The following ZFHX4 variants were observed in gnomAD, a reference collection of about 807,000 sequenced individuals.
The protein encoded by ZFHX4 is zinc finger homeobox protein 4.
A neutral mutation model predicts 267.6 loss-of-function variants in ZFHX4; 56 were observed. The observed-to-expected ratio is 0.21, with a 90% CI of 0.17 to 0.26. ZFHX4 has a LOEUF of 0.26. ZFHX4 is among the 10% of genes least tolerant of loss of function. The pLI is 1.00. For synonymous variants in ZFHX4, 1,778 were observed against 1,665.6 expected, an observed-to-expected ratio of 1.07 and a Z score of -1.64; for missense variants, 4,332 against 4,420.0, an observed-to-expected ratio of 0.98 and a Z score of 0.56.
Position 76,851,890 on chromosome 8 carries a change from G to T in ZFHX4, c.4969G>T (p.Ala1657Ser). 4.3e-6 allele frequency: 7 copies of T among 1,613,964 alleles called. No individual in the cohort carries two copies. The South Asian group carries it at 6.6e-5, about 15-fold the overall frequency. ...QGMLDSMSLA[A>S]VNSKDTHLDA... is the part of the protein sequence containing the mutation. ...GATGTTAGATTCCATGAGTTTAGCA[G>T]CTGTAAACAGCAAAGATACCCATTT... is the stretch of plus-strand genomic sequence containing the variant. Residue 1657 changes from alanine to serine, a missense_variant, in exon 10 of 11, where the codon GCT becomes TCT. Physicochemically the swap from Ala to Ser is moderately conservative, Grantham distance 99. Transcript: ENST00000651372.
chr8:76,688,992 T>C (rs1426507508), intron 1 of ZFHX4, among the ~76,000 whole-genome samples: 1 of 152,152 alleles, frequency 6.6e-6, no homozygotes, highest in Non-Finnish European at 1.5e-5. Context: ...GGTTGACTCT[T>C]GAGTACAGCA....
chr8:76,777,857 T>G (rs76197050), intron 3 of ZFHX4, among the ~76,000 whole-genome samples: 24 of 109,316 alleles, frequency 2.2e-4, no homozygotes, highest in Middle Eastern at 4.9e-3. Context: ...GATGAACTTG[T>G]TTTTTTTTTT....
chr8:76,704,257 A>G lies in ZFHX4; in HGVS notation c.169A>G (p.Lys57Glu). 1 of 1,614,052 alleles carries G rather than the reference A, an allele frequency of 6.2e-7. No individual in the cohort carries two copies. Among genetic ancestry groups the G allele is most frequent in the Non-Finnish European group, 8.5e-7 (1 of 1,179,900 alleles). Residue 57 changes from lysine (K) to glutamate (E), a missense_variant, in exon 2 of 11, where the codon AAA becomes GAA. Lys to Glu is a moderately conservative substitution (Grantham distance 56). Transcript: ENST00000651372. The part of the protein sequence containing the change: ...TDDNLKTDER[K>E]SEALLGFSVE... ...TGACAACCTGAAAACGGATGAGCGCAAAAGTGAAGCCTTGCTGGGTTTCAG... is the reference window on the plus strand; with the variant it reads ...TGACAACCTGAAAACGGATGAGCGCGAAAGTGAAGCCTTGCTGGGTTTCAG...
At chr8:76,689,859 T>A (rs752452368) in intron 1 of ZFHX4, among the ~76,000 whole-genome samples, 1 of 152,146 alleles carries the variant, frequency 6.6e-6, no homozygotes, top group Non-Finnish European at 1.5e-5. Flanking sequence ...TCATATTTAG[T>A]AAGCAGCTTA....
intron 5 of ZFHX4, among the ~76,000 whole-genome samples, chr8:76,840,849 A>G (rs1008807906): frequency 6.6e-6 from 1 of 152,184 alleles, no homozygotes; most frequent in Admixed American, 6.5e-5. Context: ...TCAGCCCTCC[A>G]GCCTCCCAAA....
At chr8:76,758,197 G>A (rs1809814435) in intron 3 of ZFHX4, among the ~76,000 whole-genome samples, 1 of 152,080 alleles carries the variant, frequency 6.6e-6, no homozygotes, top group African/African-American at 2.4e-5. Context: ...AAACAGGTAT[G>A]AAAAATGCTT....
At position 76,704,866 on chromosome 8, in the gene ZFHX4, G is replaced by T. The variant is rs375151254; in HGVS notation, c.778G>T (p.Val260Leu). 2 of 1,614,180 alleles carry T rather than the reference G, an allele frequency of 1.2e-6. No homozygotes were observed. Among genetic ancestry groups the T allele is most frequent in the Non-Finnish European group, 1.7e-6 (2 of 1,180,038 alleles). Residue 260 changes from valine to leucine, a missense_variant, in exon 2 of 11, where the codon GTG becomes TTG. Transcript: ENST00000651372. ...SCVSKDVPNN[V>L]DLSKFDGCVS... ...TGTGTCCAAAGATGTCCCTAACAAT[G>T]TGGACTTGTCCAAATTCGATGGTTG...
intron 1 of ZFHX4, chr8:76,683,812 T>A (rs1807619762): frequency 6.6e-6 from 1 of 151,354 alleles, no homozygotes; most frequent in African/African-American, 2.4e-5. Flanking sequence ...GGTGGATGGA[T>A]GGAAGAGTGA....
chr8:76,720,394 CTTTA>C (rs912258025), intron 3 of ZFHX4, among the ~76,000 whole-genome samples: 13 of 152,280 alleles, frequency 8.5e-5, no homozygotes, highest in Admixed American at 1.3e-4. Context: ...GTATAGTACA[CTTTA>C]TTTATACCCC....
At chr8:76,832,215 A>G (rs1376430616) in intron 4 of ZFHX4, among the ~76,000 whole-genome samples, 1 of 152,070 alleles carries the variant, frequency 6.6e-6, no homozygotes, top group Non-Finnish European at 1.5e-5. Context: ...AATAAACATG[A>G]TTTCCTTTGG....
rs1362586133 is a variant in ZFHX4, at chr8:76,839,662, G to A, written c.3395-2993G>A. On this transcript the variant is annotated intron_variant, in intron 5 of 10. Transcript: ENST00000651372. ...CTATTATTGCATGTAATATATTAGTGAAGAGGCTTATTGATGAAAATGAAA... is the reference window on the plus strand; with the variant it reads ...CTATTATTGCATGTAATATATTAGTAAAGAGGCTTATTGATGAAAATGAAA... 2.0e-5 allele frequency among the ~76,000 whole-genome samples: 3 copies of A among 152,154 alleles called. No homozygotes were observed. The East Asian group carries it at 5.8e-4, about 29-fold the overall frequency.
At chr8:76,719,017 C>G (rs1341953318) in intron 3 of ZFHX4, among the ~76,000 whole-genome samples, 2 of 150,568 alleles carry the variant, frequency 1.3e-5, no homozygotes, top group Non-Finnish European at 3.0e-5. Flanking sequence ...GAATGTAGAA[C>G]ATGGATCTAT....
chr8:76,690,472 A>C (rs1807795055), intron 1 of ZFHX4, among the ~76,000 whole-genome samples: 1 of 152,080 alleles, frequency 6.6e-6, no homozygotes, highest in Non-Finnish European at 1.5e-5. Flanking sequence ...GTTGAAAAAG[A>C]CCAATCATTT....
Position 76,685,584 on chromosome 8 carries a change from T to G in ZFHX4, c.-47+3964T>G, listed in dbSNP as rs183046212. Among the ~76,000 whole-genome samples, 21 of 152,354 alleles carry G rather than the reference T, an allele frequency of 1.4e-4. No homozygotes were observed. The East Asian group carries it at 4.0e-3, about 29-fold the overall frequency. On this transcript the variant is annotated intron_variant, in intron 1 of 10. Coordinates refer to ENST00000651372, the MANE Select transcript of ZFHX4 (RefSeq NM_024721.5). ...AATATATATGTACATTCTGCTGCTT[T>G]AAAAATATTATGTTAATCACCTATT...
Position 76,852,051 on chromosome 8 carries a change from G to C in ZFHX4, c.5130G>C (p.Gln1710His). 2 of 1,613,974 alleles carry C rather than the reference G, an allele frequency of 1.2e-6. No homozygotes were observed. Residue 1710 changes from glutamine (Q) to histidine (H), a missense_variant, in exon 10 of 11, where the codon CAG becomes CAC. Physicochemically the swap from Gln to His is conservative, Grantham distance 24. Around this residue, in one of 7 missense-constraint regions of ZFHX4, gnomAD observed 1,371 missense variants for 1,423.1 expected, o/e 0.96. Transcript: ENST00000651372. ...TACAACAGCAAGCCGCATTCTTTCA[G>C]CCTCAGTTTCTAAACCCAGCCTTTT... ...HELQQQAAFF[Q>H]PQFLNPAFLP...
rs370086541 is a variant in ZFHX4, at chr8:76,705,850, C to G, written c.1762C>G (p.Pro588Ala). Residue 588 changes from proline to alanine, a missense_variant, in exon 2 of 11, where the codon CCT becomes GCT. Around this residue, in one of 7 missense-constraint regions of ZFHX4, gnomAD observed 1,195 missense variants for 1,173.6 expected, o/e 1.02. Coordinates refer to ENST00000651372, the MANE Select transcript of ZFHX4 (RefSeq NM_024721.5). ...ARGDEDSSAT[P>A]HQHGFTPSTP... ...GGGAGACGAAGACAGTTCAGCCACTCCTCACCAGCATGGCTTTACCCCGAG... is the reference window on the plus strand; with the variant it reads ...GGGAGACGAAGACAGTTCAGCCACTGCTCACCAGCATGGCTTTACCCCGAG... The G allele has an allele frequency of 1.4e-5, 23 of 1,613,752 alleles. No individual in the cohort carries two copies. In the African/African-American group the frequency reaches 3.1e-4, roughly 22 times the overall value.
At chr8:76,816,753 G>T (rs938794977) in intron 4 of ZFHX4, among the ~76,000 whole-genome samples, 1 of 151,854 alleles carries the variant, frequency 6.6e-6, no homozygotes, top group African/African-American at 2.4e-5. Context: ...CTGCAACCAT[G>T]CCCGGCTAAT....
At chr8:76,782,623 T>C (rs1171429508) in intron 4 of ZFHX4, among the ~76,000 whole-genome samples, 2 of 151,964 alleles carry the variant, frequency 1.3e-5, no homozygotes, top group Non-Finnish European at 2.9e-5. Flanking sequence ...GTACAAAATA[T>C]CCCAATAATA....
chr8:76,703,380 G>A (rs1353556631), intron 1 of ZFHX4, among the ~76,000 whole-genome samples: 1 of 152,182 alleles, frequency 6.6e-6, no homozygotes, highest in Non-Finnish European at 1.5e-5. Flanking sequence ...TGCCCATTGA[G>A]GTGACTGAAG....
Sources: allele counts gnomAD v4.1 joint callset (sites outside exome capture counted in the v4.1 genomes callset), GRCh38; gene constraint gnomAD v4.1.1; regional missense constraint gnomAD v4.1.1; transcripts MANE v1.5; gene names NCBI Gene and HGNC (gene_info 2026-07-23, HGNC 2026-07-21).